The following PPP2R5A variants were observed in gnomAD, a reference collection of about 807,000 sequenced individuals.
PPP2R5A encodes protein phosphatase 2 regulatory subunit B'alpha, also known as serine/threonine-protein phosphatase 2A 56 kDa regulatory subunit alpha isoform.
In PPP2R5A, 25 loss-of-function variants were observed where a neutral mutation model predicts 64.2. The ratio of observed to expected loss-of-function variants is 0.39; its 90% CI spans 0.28 to 0.54. PPP2R5A has a LOEUF of 0.54. Ranked by LOEUF, PPP2R5A falls within the 20% of genes least tolerant of loss-of-function variation. The pLI is 0.67. For missense variants in PPP2R5A, 425 were observed against 576.3 expected, an observed-to-expected ratio of 0.74 and a Z score of 2.69; for synonymous variants, 198 against 201.2, an observed-to-expected ratio of 0.98 and a Z score of 0.13.
At chr1:212,311,441 G>C (rs910315837) in intron 1 of PPP2R5A, among the ~76,000 whole-genome samples, 1 of 151,938 alleles carries the variant, frequency 6.6e-6, no homozygotes, top group African/African-American at 2.4e-5. Flanking sequence ...ACTCCAGCCT[G>C]GGCGACAGAG....
chr1:212,286,493 C>T (rs1658505336), intron 1 of PPP2R5A, among the ~76,000 whole-genome samples: 1 of 152,182 alleles, frequency 6.6e-6, no homozygotes, highest in African/African-American at 2.4e-5. Flanking sequence ...TTGGCTGTTT[C>T]CTTCTAATTC....
chr1:212,305,305 G>A (rs925738585), intron 1 of PPP2R5A, among the ~76,000 whole-genome samples: 4 of 152,058 alleles, frequency 2.6e-5, no homozygotes, highest in African/African-American at 9.7e-5. Flanking sequence ...TTACAGGTGT[G>A]AGCCACCGCG....
rs1283026162 is a variant in PPP2R5A, at chr1:212,358,617, A to AG, written c.1227-68dup. On this transcript the variant is annotated intron_variant, in intron 11 of 12. Coordinates refer to ENST00000261461, the MANE Select transcript of PPP2R5A (RefSeq NM_006243.4). ...TCAGCCAAGCTTTAACCCATTTTAG[A>AG]GACCATAGTGTTACATTTCCTCTCT... is the stretch of plus-strand genomic sequence containing the variant. 3.5e-6 allele frequency: 4 copies of AG among 1,148,178 alleles called. No individual in the cohort carries two copies. In the East Asian group the frequency reaches 7.4e-5, roughly 21 times the overall value. The allele number at this position is 1,148,178 out of a possible 1,614,324, so 71.1% of individuals were successfully genotyped here. A position where few individuals can be genotyped will look rare whatever the true frequency, so the allele number is the denominator to read the frequency against.
At chr1:212,322,165 G>T (rs997893449) in intron 1 of PPP2R5A, among the ~76,000 whole-genome samples, 1 of 151,086 alleles carries the variant, frequency 6.6e-6, no homozygotes, top group East Asian at 1.9e-4. Context: ...CTCAGCATCA[G>T]GGGGAGACCG....
intron 1 of PPP2R5A, among the ~76,000 whole-genome samples, chr1:212,310,333 T>A (rs1050169486): frequency 6.6e-6 from 1 of 151,982 alleles, no homozygotes; most frequent in East Asian, 1.9e-4. Flanking sequence ...TAGCCTACAG[T>A]TTAGTCTGTA....
At chr1:212,326,216 G>A (rs1466222458) in intron 1 of PPP2R5A, among the ~76,000 whole-genome samples, 1 of 150,994 alleles carries the variant, frequency 6.6e-6, no homozygotes, top group Non-Finnish European at 1.5e-5. Context: ...ATATTACTTA[G>A]TATTAAAAAT....
chr1:212,312,213 TCTACC>T (rs1659052064), intron 1 of PPP2R5A, among the ~76,000 whole-genome samples: 2 of 152,230 alleles, frequency 1.3e-5, no homozygotes, highest in South Asian at 4.1e-4. Flanking sequence ...AGCAGTAGGC[TCTACC>T]ATATAGCCTA....
At chr1:212,330,013 G>GT (rs1659475780) in intron 2 of PPP2R5A, among the ~76,000 whole-genome samples, 1 of 152,152 alleles carries the variant, frequency 6.6e-6, no homozygotes, top group Non-Finnish European at 1.5e-5. Flanking sequence ...TTTAAGCAGT[G>GT]GGTAAGGGAG....
intron 1 of PPP2R5A, among the ~76,000 whole-genome samples, chr1:212,301,146 G>A (rs1658793526): frequency 6.6e-6 from 1 of 152,146 alleles, no homozygotes; most frequent in South Asian, 2.1e-4. Flanking sequence ...GAGTAGCTGG[G>A]ATTACAGGTA....
At chr1:212,290,310 T>G (rs753136680) in intron 1 of PPP2R5A, among the ~76,000 whole-genome samples, 10 of 152,176 alleles carry the variant, frequency 6.6e-5, no homozygotes, top group African/African-American at 9.7e-5. Context: ...AACCTTTTTG[T>G]GGAGAGAAAA....
At chr1:212,311,994 T>C (rs1479879126) in intron 1 of PPP2R5A, among the ~76,000 whole-genome samples, 1 of 152,242 alleles carries the variant, frequency 6.6e-6, no homozygotes, top group Admixed American at 6.5e-5. Flanking sequence ...TGTACAGTAA[T>C]GTCCTAGGCC....
chr1:212,349,247 G>C lies in PPP2R5A; in HGVS notation c.927+5G>C. The stretch of plus-strand genomic sequence containing the variant: ...GATACAACACTAACAGAGCCAGTAA[G>C]TGTTCTATTTATTTTCATGTTTTTG... On this transcript the variant is annotated splice_donor_5th_base_variant and intron_variant, in intron 8 of 12. Coordinates refer to ENST00000261461, the MANE Select transcript of PPP2R5A (RefSeq NM_006243.4). The C allele has an allele frequency of 6.4e-7, 1 of 1,559,270 alleles. No individual in the cohort carries two copies. The highest frequency in any genetic ancestry group is 8.8e-7 in the Non-Finnish European group (1 of 1,141,550).
chr1:212,339,866 T>C (rs1659657474), intron 3 of PPP2R5A, among the ~76,000 whole-genome samples: 1 of 152,012 alleles, frequency 6.6e-6, no homozygotes, highest in Admixed American at 6.6e-5. Context: ...ATTTGGCTCA[T>C]GTTTAATGTT....
intron 1 of PPP2R5A, chr1:212,301,924 A>G: frequency 1.2e-5 from 16 of 1,325,566 alleles, no homozygotes; most frequent in South Asian, 1.9e-5. Context: ...AATTATAGTT[A>G]TAAAATTATT....
chr1:212,338,577 A>C (rs561947521), intron 3 of PPP2R5A, among the ~76,000 whole-genome samples: 1 of 152,198 alleles, frequency 6.6e-6, no homozygotes, highest in African/African-American at 2.4e-5. Flanking sequence ...TCATGAGGTC[A>C]GGAGTTCGAG....
At chr1:212,359,754 A>G (rs1020288855) in intron 12 of PPP2R5A, among the ~76,000 whole-genome samples, 2 of 152,194 alleles carry the variant, frequency 1.3e-5, no homozygotes, top group African/African-American at 2.4e-5. Flanking sequence ...TTAATAACTA[A>G]CTCAATGCAT....
At chr1:212,345,720 A>G in intron 4 of PPP2R5A, 83 bp from the exon 5 acceptor site, 2 of 1,450,612 alleles carry the variant, frequency 1.4e-6, no homozygotes, top group Non-Finnish European at 1.9e-6. Flanking sequence ...AAAAGATGTC[A>G]TGGATAATCT....
chr1:212,351,952 AT>A (rs898548766), intron 8 of PPP2R5A, among the ~76,000 whole-genome samples: 2 of 147,814 alleles, frequency 1.4e-5, no homozygotes, highest in South Asian at 2.2e-4. Flanking sequence ...CCCCAAAATA[AT>A]TTTTTTATTT....
At chr1:212,295,380 A>G (rs1435829971) in intron 1 of PPP2R5A, among the ~76,000 whole-genome samples, 1 of 152,330 alleles carries the variant, frequency 6.6e-6, no homozygotes, top group South Asian at 2.1e-4. Flanking sequence ...GGAGAAGATA[A>G]TGGTTCTTTG....
Sources: allele counts gnomAD v4.1 joint callset (sites outside exome capture counted in the v4.1 genomes callset), GRCh38; gene constraint gnomAD v4.1.1; transcripts MANE v1.5; gene names NCBI Gene and HGNC (gene_info 2026-07-23, HGNC 2026-07-21).